Variants in FBXO42 observed in about 807,000 individuals in gnomAD.
FBXO42 encodes F-box only protein 42.
Under a neutral mutation model 71.7 loss-of-function variants are expected in FBXO42, and 12 were observed. The ratio of observed to expected loss-of-function variants is 0.17; its 90% CI spans 0.11 to 0.27. The LOEUF (loss-of-function observed/expected upper bound fraction) is 0.27, where lower values mean the gene tolerates loss of function less well. FBXO42 is among the 10% of genes least tolerant of loss of function. The probability of loss-of-function intolerance (pLI) is 1.00; values close to 1 mark genes in which losing one functional copy is unlikely to be tolerated. For synonymous variants in FBXO42, 325 were observed against 327.5 expected, an observed-to-expected ratio of 0.99 and a Z score of 0.08; for missense variants, 707 against 911.9, an observed-to-expected ratio of 0.78 and a Z score of 2.89.
intron 4 of FBXO42, among the ~76,000 whole-genome samples, chr1:16,274,027 C>G (rs962682236): frequency 6.6e-6 from 1 of 152,156 alleles, no homozygotes; most frequent in African/African-American, 2.4e-5. Flanking sequence ...CTATCACAGA[C>G]GTCCATTTAC....
chr1:16,352,416 T>C lies in FBXO42; in HGVS notation c.-179A>G, dbSNP rs967484269. 7.5e-6 allele frequency: 3 copies of C among 399,060 alleles called. No homozygotes were observed. The highest frequency in any genetic ancestry group is 6.2e-5 in the African/African-American group (3 of 48,586). The allele number at this position is 399,060 out of a possible 1,614,324, so 24.7% of individuals were successfully genotyped here. ...CCCCGAGCCGCCCGGAGCCGCCATC[T>C]TCCTCCACTCAAACGCCGCCGCCGC... On this transcript the variant is annotated 5_prime_UTR_variant, in exon 1 of 10. Coordinates refer to ENST00000375592, the MANE Select transcript of FBXO42 (RefSeq NM_018994.3).
chr1:16,321,000 G>A (rs1484561626), intron 1 of FBXO42, among the ~76,000 whole-genome samples: 1 of 152,080 alleles, frequency 6.6e-6, no homozygotes, highest in African/African-American at 2.4e-5. Flanking sequence ...AATCAATGGA[G>A]GCTGCAAAAG....
intron 1 of FBXO42, among the ~76,000 whole-genome samples, chr1:16,340,176 CA>C (rs545615304): frequency 0.089 from 12,239 of 137,324 alleles, 654 homozygotes; most frequent in Non-Finnish European, 0.13. Context: ...ACTCCAGTCT[CA>C]AAAAAAAAAA....
intron 1 of FBXO42, among the ~76,000 whole-genome samples, chr1:16,320,871 A>G (rs866843043): frequency 9.2e-5 from 14 of 152,118 alleles, no homozygotes; most frequent in Non-Finnish European, 1.0e-4. Context: ...CAAGGAAAAG[A>G]GCCCAAAGAA....
chr1:16,310,960 C>A (rs1253581316), intron 2 of FBXO42, among the ~76,000 whole-genome samples: 1 of 137,484 alleles, frequency 7.3e-6, no homozygotes, highest in African/African-American at 2.7e-5. Context: ...GGCAACAGAG[C>A]CGGACTCCAT....
At chr1:16,325,950 C>T (rs918997772) in intron 1 of FBXO42, among the ~76,000 whole-genome samples, 7 of 149,754 alleles carry the variant, frequency 4.7e-5, no homozygotes, top group South Asian at 2.1e-4. Context: ...GAGAACCATA[C>T]GTTTTAAATT....
At chr1:16,312,284 C>T (rs2082320180) in intron 2 of FBXO42, among the ~76,000 whole-genome samples, 1 of 152,224 alleles carries the variant, frequency 6.6e-6, no homozygotes, top group Non-Finnish European at 1.5e-5. Flanking sequence ...ATGACTTGAG[C>T]CCGGGAGACG....
At position 16,352,346 on chromosome 1, in the gene FBXO42, T is replaced by A. The variant is rs2082710217; in HGVS notation, c.-109A>T. On this transcript the variant is annotated 5_prime_UTR_variant, in exon 1 of 10. Coordinates refer to ENST00000375592, the MANE Select transcript of FBXO42 (RefSeq NM_018994.3). ...AGGGCCAGAGCAGAGGCGCTCTGCC[T>A]CAGGCCGCGACAGCCGTGCTCGGGG... is the stretch of plus-strand genomic sequence containing the variant. 2.5e-6 allele frequency: 1 copy of A among 397,926 alleles called. No individual in the cohort carries two copies. The highest frequency in any genetic ancestry group is 4.4e-6 in the Non-Finnish European group (1 of 225,590). 24.6% of individuals were successfully genotyped at this position (397,926 alleles called of 1,614,324 possible). A position where few individuals can be genotyped will look rare whatever the true frequency, so the allele number is the denominator to read the frequency against.
At position 16,283,494 on chromosome 1, in the gene FBXO42, G is replaced by GTTTTTTTTTTTTTTTTTTTTTTT. The variant is rs386366300; in HGVS notation, c.502+11266_502+11288dup. 7.4e-5 allele frequency among the ~76,000 whole-genome samples: 6 copies of GTTTTTTTTTTTTTTTTTTTTTTT among 80,988 alleles called. 1 individual carries two copies. The highest frequency in any genetic ancestry group is 2.7e-4 in the African/African-American group (6 of 22,486). The allele number at this position is 80,988 out of a possible 152,430, so 53.1% of individuals were successfully genotyped here. ...TTATAGACTCTTCTAACTGTGGCAA[G>GTTTTTTTTTTTTTTTTTTTTTTT]TTTTTTTTTTTTTTTTTTTTTTTGA... is the stretch of plus-strand genomic sequence containing the variant. On this transcript the variant is annotated intron_variant, in intron 4 of 9. Transcript: ENST00000375592.
chr1:16,251,895 C>T lies in FBXO42; in HGVS notation c.1039-110G>A. ...TCATGTGCCAGACATTTTGTAGGTA[C>T]CTGAGATATGAAGATGAAAATGATG... is the stretch of plus-strand genomic sequence containing the variant. On this transcript the variant is annotated intron_variant, in intron 9 of 9. Transcript: ENST00000375592. This position sits in a 1 kb window ranked among gnomAD's most constrained non-coding sequence, Gnocchi z 4.5. The T allele has an allele frequency of 7.4e-7, 1 of 1,359,518 alleles. No homozygotes were observed. Among genetic ancestry groups the T allele is most frequent in the Non-Finnish European group, 9.9e-7 (1 of 1,006,906 alleles). The allele number at this position is 1,359,518 out of a possible 1,614,324, so 84.2% of individuals were successfully genotyped here.
At chr1:16,272,751 C>T (rs974723712) in intron 4 of FBXO42, among the ~76,000 whole-genome samples, 3 of 152,116 alleles carry the variant, frequency 2.0e-5, no homozygotes, top group African/African-American at 4.8e-5. Context: ...TGTTAGTCAT[C>T]GAAATTTGTG....
intron 2 of FBXO42, among the ~76,000 whole-genome samples, chr1:16,314,900 A>C (rs1048042788): frequency 6.6e-6 from 1 of 152,034 alleles, no homozygotes; most frequent in Non-Finnish European, 1.5e-5. Context: ...AAAAAAAGAA[A>C]AGAACAATAC....
At chr1:16,310,197 A>AC (rs2082298784) in intron 2 of FBXO42, among the ~76,000 whole-genome samples, 1 of 150,724 alleles carries the variant, frequency 6.6e-6, no homozygotes, top group African/African-American at 2.4e-5. Flanking sequence ...CCATCTCAAA[A>AC]AAAAAAAAAA....
chr1:16,300,745 A>G (rs998483486), intron 3 of FBXO42, among the ~76,000 whole-genome samples: 1 of 152,124 alleles, frequency 6.6e-6, no homozygotes, highest in Non-Finnish European at 1.5e-5. Context: ...ACCTGACTAT[A>G]TGTGACACCT....
At chr1:16,289,147 C>T (rs2082052869) in intron 4 of FBXO42, among the ~76,000 whole-genome samples, 1 of 151,780 alleles carries the variant, frequency 6.6e-6, no homozygotes, top group South Asian at 2.1e-4. Context: ...TGTAATCCAG[C>T]ACTTTGGGAG....
intron 4 of FBXO42, among the ~76,000 whole-genome samples, chr1:16,288,329 C>T (rs952419374): frequency 3.3e-5 from 5 of 151,894 alleles, no homozygotes; most frequent in Non-Finnish European, 7.4e-5. Flanking sequence ...ACTGGGGAGG[C>T]TGAGGCAGAA....
intron 1 of FBXO42, among the ~76,000 whole-genome samples, chr1:16,345,107 GACA>G (rs1234544286): frequency 5.3e-5 from 8 of 151,044 alleles, no homozygotes; most frequent in Admixed American, 1.3e-4. Context: ...TCAAAAAAAC[GACA>G]ACAACAAAAA....
intron 1 of FBXO42, among the ~76,000 whole-genome samples, chr1:16,347,868 A>C (rs2082664953): frequency 6.6e-6 from 1 of 152,140 alleles, no homozygotes; most frequent in South Asian, 2.1e-4. Context: ...GGGCGCCTGT[A>C]GTCTCAGCTA....
chr1:16,264,794 A>G (rs1323390669), intron 4 of FBXO42, among the ~76,000 whole-genome samples: 1 of 152,234 alleles, frequency 6.6e-6, no homozygotes, highest in African/African-American at 2.4e-5. Context: ...CAGAACTAAC[A>G]TTCCCTAAAA....
Sources: allele counts gnomAD v4.1 joint callset (sites outside exome capture counted in the v4.1 genomes callset), GRCh38; gene constraint gnomAD v4.1.1; non-coding constraint Gnocchi (gnomAD v3.1); transcripts MANE v1.5; gene names NCBI Gene and HGNC (gene_info 2026-07-23, HGNC 2026-07-21).